Variants in SGCZ observed in about 807,000 individuals in gnomAD.
The protein encoded by SGCZ is zeta-sarcoglycan.
A neutral mutation model predicts 41.3 loss-of-function variants in SGCZ; 40 were observed. The ratio of observed to expected loss-of-function variants is 0.97; its 90% confidence interval spans 0.75 to 1.26. The LOEUF is 1.26. Ranked by LOEUF, SGCZ falls within the 50% of genes most tolerant of loss-of-function variation. The probability of loss-of-function intolerance (pLI) is 0.00; values close to 1 mark genes in which losing one functional copy is unlikely to be tolerated. For missense variants in SGCZ, 552 were observed against 369.8 expected (o/e 1.49, Z -4.04); for synonymous variants, 206 against 137.5 (o/e 1.50, Z -3.49).
intron 2 of SGCZ, among the ~76,000 whole-genome samples, chr8:14,454,136 G>T (rs1800675875): frequency 6.6e-6 from 1 of 152,130 alleles, no homozygotes; most frequent in East Asian, 1.9e-4. Context: ...TGGCCTTAAT[G>T]CACCTTCAGA....
At chr8:14,842,505 AAAGG>A (rs761328525) in intron 1 of SGCZ, among the ~76,000 whole-genome samples, 2 of 151,270 alleles carry the variant, frequency 1.3e-5, no homozygotes, top group Non-Finnish European at 3.0e-5. Context: ...GAAAGGAAGG[AAAGG>A]AAGGAAGGAA....
At chr8:15,012,379 C>T (rs1802854474) in intron 1 of SGCZ, among the ~76,000 whole-genome samples, 1 of 150,900 alleles carries the variant, frequency 6.6e-6, no homozygotes, top group East Asian at 1.9e-4. Context: ...GAGAGGATCA[C>T]TTGACCCCAG....
In SGCZ at chr8:14,830,181, T is replaced by A. The variant is rs553826298; in HGVS notation, c.40-275255A>T. On this transcript the variant is annotated intron_variant, in intron 1 of 7. Coordinates refer to ENST00000382080, the MANE Select transcript of SGCZ (RefSeq NM_139167.4). The stretch of plus-strand genomic sequence containing the variant: ...ATTGAATTAAAAATATGGACCAACT[T>A]TATTTATTTGGTTATTTAATTATTC... Among the ~76,000 whole-genome samples the A allele has an allele frequency of 3.5e-3, 535 of 152,288 alleles. 5 individuals carry two copies. The highest frequency in any genetic ancestry group is 0.012 in the African/African-American group (513 of 41,556).
At chr8:14,827,302 T>C (rs1222707216) in intron 1 of SGCZ, among the ~76,000 whole-genome samples, 2 of 148,718 alleles carry the variant, frequency 1.3e-5, no homozygotes, top group African/African-American at 4.9e-5. Flanking sequence ...AGTGACGCCA[T>C]CTCAGCTCAC....
intron 1 of SGCZ, among the ~76,000 whole-genome samples, chr8:15,175,738 A>G (rs1299633412): frequency 1.3e-5 from 2 of 152,202 alleles, no homozygotes; most frequent in Middle Eastern, 3.2e-3. Flanking sequence ...ACTTCTAAAA[A>G]AAATTTAGAT....
intron 1 of SGCZ, among the ~76,000 whole-genome samples, chr8:14,618,481 G>A (rs1236061267): frequency 6.6e-6 from 1 of 152,154 alleles, no homozygotes; most frequent in Non-Finnish European, 1.5e-5. Context: ...TCCAAGGGCA[G>A]CAAAGATGAC....
intron 1 of SGCZ, among the ~76,000 whole-genome samples, chr8:14,970,432 T>C (rs1478085063): frequency 6.6e-6 from 1 of 152,172 alleles, no homozygotes; most frequent in African/African-American, 2.4e-5. Context: ...TTATGTTTCC[T>C]TCTAAAAGTT....
chr8:14,536,185 A>G (rs1227740307), intron 2 of SGCZ, among the ~76,000 whole-genome samples: 3 of 151,886 alleles, frequency 2.0e-5, no homozygotes, highest in African/African-American at 4.8e-5. Context: ...TTGCAATTAT[A>G]CTCTAATGAA....
At chr8:14,348,499 G>C (rs568097768) in intron 2 of SGCZ, among the ~76,000 whole-genome samples, 1 of 151,950 alleles carries the variant, frequency 6.6e-6, no homozygotes, top group Admixed American at 6.6e-5. Context: ...ATATTCGTTC[G>C]TCTCTAATCC....
At chr8:15,050,549 G>C (rs1190418027) in intron 1 of SGCZ, among the ~76,000 whole-genome samples, 1 of 152,172 alleles carries the variant, frequency 6.6e-6, no homozygotes, top group Non-Finnish European at 1.5e-5. Context: ...AGAACTATGA[G>C]TATGCGCAGT....
intron 1 of SGCZ, among the ~76,000 whole-genome samples, chr8:14,645,483 T>TATATATATATATATATATATA (rs1563175671): frequency 2.8e-5 from 3 of 106,058 alleles, no homozygotes; most frequent in East Asian, 5.4e-4. Flanking sequence ...TATATTTATA[T>TATATATATATATATATATATA]GTATATATAT....
chr8:15,005,309 C>T (rs1487203299), intron 1 of SGCZ, among the ~76,000 whole-genome samples: 9 of 100,142 alleles, frequency 9.0e-5, no homozygotes, highest in Non-Finnish European at 6.7e-5. Context: ...CACGCCCCCT[C>T]CCCCGTTTTT....
chr8:14,560,449 G>A (rs1804174763), intron 1 of SGCZ, among the ~76,000 whole-genome samples: 1 of 152,032 alleles, frequency 6.6e-6, no homozygotes, highest in Non-Finnish European at 1.5e-5. Context: ...AGAAGGGGAA[G>A]AATGTGGATG....
intron 2 of SGCZ, among the ~76,000 whole-genome samples, chr8:14,370,672 T>C (rs1463622501): frequency 1.3e-5 from 2 of 151,938 alleles, no homozygotes; most frequent in Non-Finnish European, 2.9e-5. Context: ...ATGAAAAGCA[T>C]CTTGGAAGCT....
At chr8:14,499,363 C>A (rs1440746441) in intron 2 of SGCZ, among the ~76,000 whole-genome samples, 1 of 151,944 alleles carries the variant, frequency 6.6e-6, no homozygotes, top group East Asian at 1.9e-4. Flanking sequence ...ATTTAGGACA[C>A]AACATAAATT....
At chr8:15,109,021 T>G (rs1281647954) in intron 1 of SGCZ, among the ~76,000 whole-genome samples, 2 of 152,154 alleles carry the variant, frequency 1.3e-5, no homozygotes, top group East Asian at 3.9e-4. Context: ...TTTGATGGTC[T>G]TACAGTAATT....
intron 1 of SGCZ, among the ~76,000 whole-genome samples, chr8:15,211,600 T>C (rs1201959294): frequency 1.3e-5 from 2 of 152,110 alleles, no homozygotes; most frequent in African/African-American, 2.4e-5. Flanking sequence ...CCTCCACTCT[T>C]CCTTTCTTCC....
At chr8:14,803,750 C>A (rs1801423891) in intron 1 of SGCZ, among the ~76,000 whole-genome samples, 1 of 151,148 alleles carries the variant, frequency 6.6e-6, no homozygotes, top group Non-Finnish European at 1.5e-5. Flanking sequence ...GCCTGCCTGC[C>A]TCTGTAGGCT....
intron 3 of SGCZ, among the ~76,000 whole-genome samples, chr8:14,321,602 G>C (rs1013632341): frequency 2.0e-5 from 3 of 152,070 alleles, no homozygotes; most frequent in African/African-American, 7.2e-5. Context: ...AATTTAAAGA[G>C]AGCAACAGCA....
Sources: gnomAD v4.1 joint callset for allele counts (sites outside exome capture counted in the v4.1 genomes callset) on GRCh38, gnomAD v4.1.1 for gene constraint, MANE v1.5 for transcripts, NCBI Gene and HGNC (gene_info 2026-07-23, HGNC 2026-07-21) for gene names.